Variants in WWOX observed in about 807,000 individuals in gnomAD.
WWOX encodes the protein WW domain containing oxidoreductase.
Under a neutral mutation model 46.2 loss-of-function variants are expected in WWOX, and 69 were observed. The observed-to-expected ratio is 1.49, with a 90% confidence interval of 1.23 to 1.82. The LOEUF (loss-of-function observed/expected upper bound fraction) is 1.82, where lower values mean the gene tolerates loss of function less well. Among genes scored for constraint, WWOX ranks in the 40% most tolerant of loss-of-function variants. The pLI, the probability that WWOX is intolerant of heterozygous loss-of-function variation, is 0.00. For synonymous variants in WWOX, 359 were observed against 202.6 expected, an observed-to-expected ratio of 1.77 and a Z score of -6.56; for missense variants, 919 against 542.6, an observed-to-expected ratio of 1.69 and a Z score of -6.89.
At chr16:79,044,390 T>C (rs1396295498) in intron 8 of WWOX, among the ~76,000 whole-genome samples, 1 of 152,174 alleles carries the variant, frequency 6.6e-6, no homozygotes, top group Non-Finnish European at 1.5e-5. Context: ...GGTGGATTTC[T>C]CATGAATGGT....
intron 8 of WWOX, among the ~76,000 whole-genome samples, chr16:79,012,307 A>C (rs1295792989): frequency 6.6e-6 from 1 of 151,946 alleles, no homozygotes; most frequent in Non-Finnish European, 1.5e-5. Flanking sequence ...ATCTCGACTC[A>C]CTGCAACCTA....
intron 8 of WWOX, among the ~76,000 whole-genome samples, chr16:79,162,632 C>G (rs1028773514): frequency 2.0e-5 from 3 of 152,170 alleles, no homozygotes; most frequent in African/African-American, 7.2e-5. Flanking sequence ...ACAGTTTGCC[C>G]TTGGACCATG....
At chr16:78,559,980 C>T (rs373899775) in intron 8 of WWOX, among the ~76,000 whole-genome samples, 4 of 152,174 alleles carry the variant, frequency 2.6e-5, no homozygotes, top group African/African-American at 9.7e-5. Context: ...TAGCCAAGGT[C>T]TCTGGAGTTT....
At chr16:78,876,250 G>T (rs375851710) in intron 8 of WWOX, among the ~76,000 whole-genome samples, 5 of 150,858 alleles carry the variant, frequency 3.3e-5, no homozygotes, top group Admixed American at 6.6e-5. Flanking sequence ...TTTAAAAGCA[G>T]TTCTAAAACT....
At chr16:79,026,900 A>T (rs997983956) in intron 8 of WWOX, among the ~76,000 whole-genome samples, 4 of 149,626 alleles carry the variant, frequency 2.7e-5, no homozygotes, top group Admixed American at 6.6e-5. Context: ...AAGTGCTGGG[A>T]TTACAGGTGT....
intron 8 of WWOX, among the ~76,000 whole-genome samples, chr16:78,589,130 G>A (rs989910274): frequency 1.3e-5 from 2 of 152,268 alleles, no homozygotes; most frequent in East Asian, 1.9e-4. Context: ...CTCAAGTTTT[G>A]GCAGGGTTGA....
At chr16:78,574,162 A>G (rs775736978) in intron 8 of WWOX, among the ~76,000 whole-genome samples, 4 of 152,210 alleles carry the variant, frequency 2.6e-5, no homozygotes, top group African/African-American at 7.2e-5. Context: ...GGCTTTTCCC[A>G]CAAAGCAGCT....
chr16:78,585,563 C>T lies in WWOX; in HGVS notation c.1056+152811C>T, dbSNP rs536741496. On this transcript the variant is annotated intron_variant, in intron 8 of 8. Transcript: ENST00000566780. The stretch of plus-strand genomic sequence containing the variant: ...TATTGTGGTTTTCTCCTCGCTTCCA[C>T]CTTATAGTGGCTCCACCAGGACCTC... Among the ~76,000 whole-genome samples, 3 of 152,280 alleles carry T rather than the reference C, an allele frequency of 2.0e-5. No individual in the cohort carries two copies. The East Asian group carries it at 5.8e-4, about 29-fold the overall frequency.
At chr16:78,962,564 C>T (rs1273259638) in intron 8 of WWOX, among the ~76,000 whole-genome samples, 6 of 152,110 alleles carry the variant, frequency 3.9e-5, no homozygotes, top group Admixed American at 2.0e-4. Context: ...CAAGTGAATG[C>T]ATCAGAAAGT....
At chr16:79,104,039 G>C (rs1227860829) in intron 8 of WWOX, among the ~76,000 whole-genome samples, 1 of 46,072 alleles carries the variant, frequency 2.2e-5, no homozygotes, top group Non-Finnish European at 3.8e-5. Context: ...CCCTTTTTTG[G>C]GGGGGGGGGG....
chr16:78,480,128 C>T (rs531354054), intron 8 of WWOX, among the ~76,000 whole-genome samples: 4 of 152,268 alleles, frequency 2.6e-5, no homozygotes, highest in Middle Eastern at 3.4e-3. Flanking sequence ...ATGGTAGCCA[C>T]GTGTGACTAT....
At chr16:78,854,401 T>C (rs560512113) in intron 8 of WWOX, among the ~76,000 whole-genome samples, 3 of 152,370 alleles carry the variant, frequency 2.0e-5, no homozygotes, top group East Asian at 3.9e-4. Context: ...AAACACATTC[T>C]AATTTGGCAG....
chr16:78,993,596 G>A lies in WWOX; in HGVS notation c.1057-218012G>A, dbSNP rs374763651. Among the ~76,000 whole-genome samples, 131 of 152,310 alleles carry A rather than the reference G, an allele frequency of 8.6e-4. 3 individuals are homozygous for A. The South Asian group carries it at 0.023, about 26-fold the overall frequency. The stretch of plus-strand genomic sequence containing the variant: ...GGAGCCCGGAACAGGGATGGGGACA[G>A]GACCTTGCGCTGTGCGGCTTGGCAT... On this transcript the variant is annotated intron_variant, in intron 8 of 8. Transcript: ENST00000566780.
chr16:78,778,715 G>C (rs573999602), intron 8 of WWOX, among the ~76,000 whole-genome samples: 1 of 152,282 alleles, frequency 6.6e-6, no homozygotes, highest in Admixed American at 6.5e-5. Flanking sequence ...AAGGTTTGCA[G>C]ATTGGCCTGA....
At chr16:78,372,937 T>C (rs1350733057) in intron 5 of WWOX, among the ~76,000 whole-genome samples, 1 of 152,210 alleles carries the variant, frequency 6.6e-6, no homozygotes, top group Non-Finnish European at 1.5e-5. Flanking sequence ...ATTAATCTGA[T>C]ATATGCTACT....
chr16:78,320,464 T>G (rs912612091), intron 5 of WWOX, among the ~76,000 whole-genome samples: 2 of 152,176 alleles, frequency 1.3e-5, no homozygotes, highest in Admixed American at 6.5e-5. Context: ...CCTAGCTGTT[T>G]CCAGAAATAG....
chr16:78,649,125 C>G (rs1014586888), intron 8 of WWOX, among the ~76,000 whole-genome samples: 2 of 152,054 alleles, frequency 1.3e-5, no homozygotes, highest in Non-Finnish European at 2.9e-5. Flanking sequence ...AGGCGCCCAC[C>G]ACCAAGCCCA....
intron 8 of WWOX, among the ~76,000 whole-genome samples, chr16:79,001,385 G>A (rs796890270): frequency 1.3e-5 from 2 of 152,210 alleles, no homozygotes; most frequent in African/African-American, 4.8e-5. Context: ...CTGGTGGAGC[G>A]AAGGATTTGT....
At chr16:78,903,702 T>C (rs2044885848) in intron 8 of WWOX, among the ~76,000 whole-genome samples, 1 of 152,198 alleles carries the variant, frequency 6.6e-6, no homozygotes. Context: ...CCTGGACACT[T>C]CGCTCTAGGC....
Sources: allele counts gnomAD v4.1 joint callset (sites outside exome capture counted in the v4.1 genomes callset), GRCh38; gene constraint gnomAD v4.1.1; transcripts MANE v1.5; gene names NCBI Gene and HGNC (gene_info 2026-07-23, HGNC 2026-07-21).